Variants in ATP8A2 observed in about 807,000 individuals in gnomAD.
ATP8A2 encodes ATPase phospholipid transporting 8A2.
Under a neutral mutation model 165.6 loss-of-function variants are expected in ATP8A2, and 100 were observed. That is an observed-to-expected ratio of 0.60 (90% CI 0.51 to 0.71). ATP8A2 has a LOEUF of 0.71. Among genes scored for constraint, ATP8A2 ranks in the 30% least tolerant of loss-of-function variants. The pLI, the probability that ATP8A2 is intolerant of heterozygous loss-of-function variation, is 0.00. For missense variants in ATP8A2, 1,227 were observed against 1,479.5 expected (o/e 0.83, Z 2.80); for synonymous variants, 543 against 548.8 (o/e 0.99, Z 0.15).
intron 33 of ATP8A2, among the ~76,000 whole-genome samples, chr13:25,932,647 C>G (rs1351829117): frequency 6.6e-6 from 1 of 152,132 alleles, no homozygotes; most frequent in Non-Finnish European, 1.5e-5. Context: ...CTTCAAAAAC[C>G]CAAGCAAACA....
chr13:25,626,601 T>C (rs2041106801), intron 24 of ATP8A2, among the ~76,000 whole-genome samples: 2 of 152,074 alleles, frequency 1.3e-5, no homozygotes, highest in South Asian at 4.1e-4. Flanking sequence ...TGTGGGAAGG[T>C]AGACGAATGA....
chr13:25,555,691 A>T (rs1271202332), intron 13 of ATP8A2, among the ~76,000 whole-genome samples: 3 of 151,918 alleles, frequency 2.0e-5, no homozygotes, highest in African/African-American at 4.8e-5. Context: ...TGGGTATATT[A>T]TGTGGTGCTG....
At chr13:25,542,821 T>C (rs139962747) in intron 9 of ATP8A2, among the ~76,000 whole-genome samples, 28 of 152,270 alleles carry the variant, frequency 1.8e-4, no homozygotes, top group Non-Finnish European at 3.7e-4. Flanking sequence ...AGGTCTTTAT[T>C]TACTCATTAA....
intron 25 of ATP8A2, among the ~76,000 whole-genome samples, chr13:25,713,685 T>A (rs187226678): frequency 6.6e-6 from 1 of 152,350 alleles, no homozygotes; most frequent in Non-Finnish European, 1.5e-5. Flanking sequence ...CTTCGTGTTC[T>A]TGAGATGACT....
chr13:25,978,024 T>C (rs1342106865), intron 35 of ATP8A2, among the ~76,000 whole-genome samples: 1 of 152,204 alleles, frequency 6.6e-6, no homozygotes, highest in Non-Finnish European at 1.5e-5. Context: ...AACAAGACTT[T>C]TTTTCAAGAA....
At chr13:25,752,482 A>G (rs1566104613) in intron 25 of ATP8A2, among the ~76,000 whole-genome samples, 1 of 152,190 alleles carries the variant, frequency 6.6e-6, no homozygotes, top group Non-Finnish European at 1.5e-5. Context: ...TATCTTAAGA[A>G]AGTAAATGGA....
intron 27 of ATP8A2, among the ~76,000 whole-genome samples, chr13:25,814,620 T>TC (rs1950961483): frequency 7.7e-6 from 1 of 129,614 alleles, no homozygotes; most frequent in Non-Finnish European, 1.6e-5. Flanking sequence ...AGCATTCAAT[T>TC]AAAAAAAAAA....
intron 35 of ATP8A2, 23 bp downstream of exon 35, chr13:25,968,702 G>A (rs372884004): frequency 2.5e-6 from 4 of 1,575,362 alleles, no homozygotes; most frequent in Admixed American, 1.7e-5. Flanking sequence ...GTCCCAGTCC[G>A]CACAGAACAC....
chr13:25,681,357 T>C (rs17487815), intron 24 of ATP8A2, among the ~76,000 whole-genome samples: 12,520 of 152,280 alleles, frequency 0.082, 582 homozygotes, highest in Non-Finnish European at 0.11. Context: ...TTTTAGAAGA[T>C]TTTTCCCATA....
intron 33 of ATP8A2, among the ~76,000 whole-genome samples, chr13:25,915,222 C>T (rs557303949): frequency 3.4e-4 from 52 of 152,306 alleles, no homozygotes; most frequent in Non-Finnish European, 6.0e-4. Context: ...CTTAAACCCA[C>T]GCTAGTGGAG....
At chr13:25,582,341 G>A (rs1320497794) in intron 23 of ATP8A2, among the ~76,000 whole-genome samples, 6 of 152,156 alleles carry the variant, frequency 3.9e-5, no homozygotes, top group Non-Finnish European at 8.8e-5. Context: ...GCCCATTAAT[G>A]GGCTTTTCTA....
At chr13:25,373,750 G>C (rs1202480837) in intron 1 of ATP8A2, among the ~76,000 whole-genome samples, 2 of 152,150 alleles carry the variant, frequency 1.3e-5, no homozygotes, top group Non-Finnish European at 2.9e-5. Flanking sequence ...TGAAGAATTT[G>C]GTCTGAAATG....
At position 25,657,899 on chromosome 13, in the gene ATP8A2, T is replaced by G. The variant is rs560476257; in HGVS notation, c.2212-41274T>G. On this transcript the variant is annotated intron_variant, in intron 24 of 36. Transcript: ENST00000381655. ...AGCAGATTGTCATTCTGCAAAATATTTGGGAGACCTGTCTTTTGCCTTTTA... is the reference window on the plus strand; with the variant it reads ...AGCAGATTGTCATTCTGCAAAATATGTGGGAGACCTGTCTTTTGCCTTTTA... Among the ~76,000 whole-genome samples, 29 of 152,330 alleles carry G rather than the reference T, an allele frequency of 1.9e-4. No individual in the cohort carries two copies. The South Asian group carries it at 6.0e-3, about 32-fold the overall frequency.
At chr13:25,699,694 G>A (rs2042911129) in intron 25 of ATP8A2, among the ~76,000 whole-genome samples, 1 of 152,196 alleles carries the variant, frequency 6.6e-6, no homozygotes, top group South Asian at 2.1e-4. Context: ...CAACTTCCAA[G>A]ATGTGTGGGG....
At chr13:25,469,987 GTGTAGAGAAGTTCAGTGATT>G (rs1284874670) in intron 2 of ATP8A2, among the ~76,000 whole-genome samples, 1 of 152,212 alleles carries the variant, frequency 6.6e-6, no homozygotes, top group African/African-American at 2.4e-5. Flanking sequence ...CCATGCTTGG[GTGTAGAGAAGTTCAGTGATT>G]TATCAGGTTA....
chr13:25,529,343 T>C (rs1258740905), intron 2 of ATP8A2, among the ~76,000 whole-genome samples: 1 of 152,214 alleles, frequency 6.6e-6, no homozygotes, highest in Non-Finnish European at 1.5e-5. Context: ...GTAAACATTC[T>C]TGTCGTTCCC....
At chr13:25,695,274 T>C (rs1257960375) in intron 24 of ATP8A2, among the ~76,000 whole-genome samples, 1 of 152,214 alleles carries the variant, frequency 6.6e-6, no homozygotes, top group Non-Finnish European at 1.5e-5. Flanking sequence ...TAAAATACGC[T>C]AACAATCGCC....
intron 18 of ATP8A2, 162 bp downstream of exon 18, chr13:25,571,854 A>T: frequency 1.4e-6 from 1 of 725,510 alleles, no homozygotes; most frequent in Non-Finnish European, 2.5e-6. Flanking sequence ...AGCTTGTTCG[A>T]GTTGTTTTGC....
At chr13:25,479,278 A>G (rs2036087910) in intron 2 of ATP8A2, among the ~76,000 whole-genome samples, 1 of 152,202 alleles carries the variant, frequency 6.6e-6, no homozygotes, top group Admixed American at 6.5e-5. Context: ...TATGGATGTA[A>G]GTACATATTG....
Sources: gnomAD v4.1 joint callset for allele counts (sites outside exome capture counted in the v4.1 genomes callset) on GRCh38, gnomAD v4.1.1 for gene constraint, MANE v1.5 for transcripts, NCBI Gene and HGNC (gene_info 2026-07-23, HGNC 2026-07-21) for gene names.